Variants in COASY observed in about 807,000 individuals in gnomAD.
COASY encodes bifunctional coenzyme A synthase.
In COASY, 31 loss-of-function variants were observed where a neutral mutation model predicts 49.4. The observed-to-expected ratio is 0.63, with a 90% CI of 0.47 to 0.85. The LOEUF (loss-of-function observed/expected upper bound fraction) is 0.85. Among genes scored for constraint, COASY ranks in the 40% least tolerant of loss-of-function variants. COASY has a pLI of 0.00. For synonymous variants in COASY, 285 were observed against 310.9 expected, an observed-to-expected ratio of 0.92 and a Z score of 0.88; for missense variants, 730 against 734.1, an observed-to-expected ratio of 0.99 and a Z score of 0.06.
rs1234275745 is a variant in COASY at position 42,563,264 on chromosome 17, G to T, written c.642G>T (p.Ala214=). Residue 214 remains alanine (A), a synonymous_variant, in exon 1 of 9, where the codon GCG becomes GCT. Coordinates refer to ENST00000393818, the MANE Select transcript of COASY (RefSeq NM_025233.7). The part of the protein sequence containing the change: ...HNAHKVLLSV[A]CILAQEQLVV... ...CCCACAAGGTGTTGCTCAGTGTCGC[G>T]TGCATCCTGGCCCAGGAGCAGCTTG... 3 of 1,609,986 alleles carry T rather than the reference G, an allele frequency of 1.9e-6. No homozygotes were observed. The highest frequency in any genetic ancestry group is 2.2e-5 in the East Asian group (1 of 44,848).
Position 42,564,790 on chromosome 17 carries a change from C to T in COASY, c.1129C>T (p.Arg377Ter), listed in dbSNP as rs566973741. ...CTCTGGGAAGAGCTCAATAGCTCAG[C>T]GACTGAAGGGCCTGGGGGCGTTTGT... is the stretch of plus-strand genomic sequence containing the variant. ...SGSGKSSIAQ[R>*]LKGLGAFVID... is the part of the protein sequence containing the mutation. The change falls in exon 4 of 9, where the codon CGA (arginine) becomes TGA (stop). Residue 377 changes from arginine to a stop codon, truncating the protein, a stop_gained. Transcript: ENST00000393818. LOFTEE classifies it high-confidence loss of function. 2.4e-5 allele frequency: 37 copies of T among 1,545,776 alleles called. No individual in the cohort carries two copies. The highest frequency in any genetic ancestry group is 3.0e-5 in the Non-Finnish European group (35 of 1,151,052).
At position 42,564,168 on chromosome 17, in the gene COASY, T is replaced by G. The variant is rs749242869; in HGVS notation, c.908T>G (p.Leu303Arg). The change falls in exon 2 of 9, where the codon CTT (leucine) becomes CGT (arginine). Residue 303 changes from leucine to arginine, a missense_variant. Leu to Arg is a moderately radical substitution (Grantham distance 102, BLOSUM62 -2). Coordinates refer to ENST00000393818, the MANE Select transcript of COASY (RefSeq NM_025233.7). Reference protein sequence around the residue: ...RGGMAINRFRLENDLEELALY... With the variant: ...RGGMAINRFRRENDLEELALY... ...GGGATGGCCATCAACCGCTTCCGCC[T>G]TGAGAATGTAACCCCTGAGGGAGAC... The G allele has an allele frequency of 1.2e-6, 2 of 1,613,672 alleles. No individual in the cohort carries two copies. The highest frequency in any genetic ancestry group is 1.7e-6 in the Non-Finnish European group (2 of 1,179,926).
At chr17:42,564,225 G>T (rs759494047) in intron 2 of COASY, 50 bp downstream of exon 2, 2 of 1,569,214 alleles carry the variant, frequency 1.3e-6, no homozygotes, top group Non-Finnish European at 1.7e-6. Flanking sequence ...GACGGGGAAG[G>T]CCATTTTGAG....
Position 42,562,903 on chromosome 17 carries a change from G to T in COASY, c.281G>T (p.Ser94Ile). The T allele has an allele frequency of 6.2e-7, 1 of 1,611,216 alleles. No individual in the cohort carries two copies. The highest frequency in any genetic ancestry group is 8.5e-7 in the Non-Finnish European group (1 of 1,177,682). ...CTACTGACCAATATCCGAACCAAGA[G>T]CACCTTTCTCCCTCCCCTGCCCACC... ...RILLTNIRTKSTFLPPLPTSV... is the reference protein window; with the variant it reads ...RILLTNIRTKITFLPPLPTSV... Residue 94 changes from serine (S) to isoleucine (I), a missense_variant, in exon 1 of 9, where the codon AGC (serine) becomes ATC (isoleucine). Physicochemically the swap from Ser to Ile is moderately radical, Grantham distance 142. Transcript: ENST00000393818.
intron 1 of COASY, chr17:42,563,535 C>A: frequency 1.7e-6 from 1 of 578,630 alleles, no homozygotes; most frequent in Non-Finnish European, 3.0e-6. Context: ...CAGAATACCC[C>A]AAATGTGAAG....
rs2092981161 is a variant in COASY, at chr17:42,562,645, T to G, written c.23T>G (p.Leu8Arg). 6.6e-7 allele frequency: 1 copy of G among 1,521,808 alleles called. No individual in the cohort carries two copies. Among genetic ancestry groups the G allele is most frequent in the African/African-American group, 1.4e-5 (1 of 72,178 alleles). 94.3% of individuals were successfully genotyped at this position (1,521,808 alleles called of 1,614,324 possible). Reference sequence around the variant, plus strand: ...AGCATGGCCGTATTCCGGTCGGGTCTCCTGGTGCTGACGACGCCGCTGGCC... The same window carrying G: ...AGCATGGCCGTATTCCGGTCGGGTCGCCTGGTGCTGACGACGCCGCTGGCC... MAVFRSG[L>R]LVLTTPLASL... The change falls in exon 1 of 9, where the codon CTC becomes CGC. Residue 8 changes from leucine to arginine, a missense_variant. Physicochemically the swap from Leu to Arg is moderately radical, Grantham distance 102. Transcript: ENST00000393818.
At chr17:42,564,370 G>T (rs201346715) in intron 2 of COASY, 76 bp from the exon 3 acceptor site, 45 of 1,593,376 alleles carry the variant, frequency 2.8e-5, no homozygotes, top group Non-Finnish European at 3.5e-5. Flanking sequence ...AGGGGAGGAT[G>T]GGGGGGCAGG....
intron 1 of COASY, chr17:42,563,556 T>C: frequency 1.8e-6 from 1 of 549,880 alleles, no homozygotes; most frequent in South Asian, 2.5e-5. Flanking sequence ...CAAAGGGATC[T>C]GCATTTTAGC....
rs772880365 is a variant in COASY, at chr17:42,562,474, C to G, written c.-149C>G. The G allele has an allele frequency of 1.9e-6, 3 of 1,613,846 alleles. No homozygotes were observed. Among genetic ancestry groups the G allele is most frequent in the Admixed American group, 1.7e-5 (1 of 60,026 alleles). On this transcript the variant is annotated 5_prime_UTR_variant, in exon 1 of 9. Coordinates refer to ENST00000393818, the MANE Select transcript of COASY (RefSeq NM_025233.7). ...CCGTCTACCAGGCCCCGTCCCCTCC[C>G]CCGGCTCCTGTCGGTCAGCACTGAA...
Position 42,565,243 on chromosome 17 carries a change from TCA to T in COASY, c.1321_1322del (p.Thr441GlyfsTer21). On this transcript the variant is annotated frameshift_variant, in exon 6 of 9. Coordinates refer to ENST00000393818, the MANE Select transcript of COASY (RefSeq NM_025233.7). LOFTEE classifies it high-confidence loss of function. ...CCTCCCCAGAAGCAGCTGAAGATACTCACGGACATTATGTGGCCAATTATCGC... is the reference window on the plus strand; with the variant it reads ...CCTCCCCAGAAGCAGCTGAAGATACTCGGACATTATGTGGCCAATTATCGC... The T allele has an allele frequency of 6.2e-7, 1 of 1,614,062 alleles. No individual in the cohort carries two copies. Among genetic ancestry groups the T allele is most frequent in the Non-Finnish European group, 8.5e-7 (1 of 1,180,008 alleles).
In COASY at chr17:42,562,976, C is replaced by T. The variant is rs1164822248; in HGVS notation, c.354C>T (p.Phe118=). The T allele has an allele frequency of 6.2e-7, 1 of 1,614,128 alleles. No individual in the cohort carries two copies. Among genetic ancestry groups the T allele is most frequent in the Non-Finnish European group, 8.5e-7 (1 of 1,179,994 alleles). ...CGCCAGAAGTCGTGTTGACAGATTT[C>T]CAGACCCTGGATGGAAGCCAGTACA... ...AHPPEVVLTD[F]QTLDGSQYNP... The change falls in exon 1 of 9, where the codon TTC becomes TTT. Residue 118 remains phenylalanine, a synonymous_variant. Transcript: ENST00000393818.
At chr17:42,564,674 C>G (rs1405878853) in intron 3 of COASY, 35 bp from the exon 4 acceptor site, 1 of 1,529,136 alleles carries the variant, frequency 6.5e-7, no homozygotes, top group Non-Finnish European at 8.8e-7. Flanking sequence ...GCTGAGGGCC[C>G]CAGTAACTGT....
chr17:42,564,138 G>GT lies in COASY; in HGVS notation c.879dup (p.Gly294TrpfsTer11). 6.2e-7 allele frequency: 1 copy of GT among 1,614,144 alleles called. No individual in the cohort carries two copies. On this transcript the variant is annotated frameshift_variant, in exon 2 of 9. Coordinates refer to ENST00000393818, the MANE Select transcript of COASY (RefSeq NM_025233.7). LOFTEE classifies it high-confidence loss of function. ...CTGGTGGTCAGCGAGGAGACCTATCGTGGGGGGATGGCCATCAACCGCTTC... is the reference window on the plus strand; with the variant it reads ...CTGGTGGTCAGCGAGGAGACCTATCGTTGGGGGGATGGCCATCAACCGCTTC...
rs762997091 is a variant in COASY, at chr17:42,565,732, G to A, written c.1559G>A (p.Ser520Asn). The change falls in exon 8 of 9, where the codon AGC becomes AAC. Residue 520 changes from serine to asparagine, a missense_variant. Ser to Asn is a conservative substitution (Grantham distance 46, BLOSUM62 1). Transcript: ENST00000393818. ...CAAAGCCGGCTGCAGAGCCAGATGA[G>A]CGGGCAGCAGCTTGTGGAACAGAGC... is the stretch of plus-strand genomic sequence containing the variant. ...AAQSRLQSQM[S>N]GQQLVEQSHV... 3 of 1,613,864 alleles carry A rather than the reference G, an allele frequency of 1.9e-6. No individual in the cohort carries two copies. The highest frequency in any genetic ancestry group is 3.3e-5 in the Admixed American group (2 of 60,016).
At position 42,564,494 on chromosome 17, in the gene COASY, A is replaced by C. The variant is rs1450737328; in HGVS notation, c.964A>C (p.Arg322=). 2 of 1,613,604 alleles carry C rather than the reference A, an allele frequency of 1.2e-6. No individual in the cohort carries two copies. Among genetic ancestry groups the C allele is most frequent in the South Asian group, 2.2e-5 (2 of 91,048 alleles). The change falls in exon 3 of 9, where the codon AGA becomes CGA. Residue 322 remains arginine (R), a synonymous_variant. Coordinates refer to ENST00000393818, the MANE Select transcript of COASY (RefSeq NM_025233.7). ...LYQIQLLKDL[R]HTENEEDKVS... ...CCAGATCCAGCTGCTGAAGGACCTCAGACATACAGAGAATGAAGAGGACAA... is the reference window on the plus strand; with the variant it reads ...CCAGATCCAGCTGCTGAAGGACCTCCGACATACAGAGAATGAAGAGGACAA...
rs1486645766 is a variant in COASY at position 42,564,590 on chromosome 17, C to G, written c.1047+13C>G. On this transcript the variant is annotated intron_variant, in intron 3 of 8. Transcript: ENST00000393818. ...TCGGCCTCCATATGTAAGCTCCTCT[C>G]CCTCCTTCCCTCCTGCTTGGTGTCC... 6.2e-7 allele frequency: 1 copy of G among 1,600,146 alleles called. No individual in the cohort carries two copies. Among genetic ancestry groups the G allele is most frequent in the South Asian group, 1.1e-5 (1 of 88,964 alleles).
Position 42,564,773 on chromosome 17 carries a change from A to G in COASY, c.1112A>G (p.Lys371Arg), listed in dbSNP as rs374448845. Residue 371 changes from lysine to arginine, a missense_variant, in exon 4 of 9, where the codon AAG becomes AGG. Coordinates refer to ENST00000393818, the MANE Select transcript of COASY (RefSeq NM_025233.7). The part of the protein sequence containing the change: ...IGLTGISGSG[K>R]SSIAQRLKGL... ...CTGACTGGCATCAGTGGCTCTGGGA[A>G]GAGCTCAATAGCTCAGCGACTGAAG... The G allele has an allele frequency of 2.9e-5, 44 of 1,537,152 alleles. No homozygotes were observed. In the East Asian group the frequency reaches 9.2e-4, roughly 32 times the overall value.
At position 42,565,717 on chromosome 17, in the gene COASY, T is replaced by G. The variant is rs764866507; in HGVS notation, c.1544T>G (p.Leu515Arg). ...AGTGAAGCCGCGGCTCAAAGCCGGC[T>G]GCAGAGCCAGATGAGCGGGCAGCAG... is the stretch of plus-strand genomic sequence containing the variant. ...GLSEAAAQSR[L>R]QSQMSGQQLV... The change falls in exon 8 of 9, where the codon CTG (leucine) becomes CGG (arginine). Residue 515 changes from leucine to arginine, a missense_variant. Physicochemically the swap from Leu to Arg is moderately radical, Grantham distance 102. Transcript: ENST00000393818. 1.8e-5 allele frequency: 29 copies of G among 1,614,034 alleles called. No homozygotes were observed. The African/African-American group carries it at 3.5e-4, about 19-fold the overall frequency.
At position 42,564,898 on chromosome 17, in the gene COASY, G is replaced by C; in HGVS notation, c.1237G>C (p.Asp413His). The change falls in exon 4 of 9, where the codon GAT becomes CAT. Residue 413 changes from aspartate (D) to histidine (H), a missense_variant and splice_region_variant. Asp to His is a moderately conservative substitution (Grantham distance 81). Transcript: ENST00000393818. ...YQPVVEAFGT[D>H]ILHKDGIINR... ...GCCTGTGGTGGAGGCCTTTGGAACA[G>C]GTAATAACTGGGGAAGGCTGAAAGT... The C allele has an allele frequency of 6.2e-7, 1 of 1,613,040 alleles. No homozygotes were observed. Among genetic ancestry groups the C allele is most frequent in the Non-Finnish European group, 8.5e-7 (1 of 1,179,258 alleles).
Sources: gnomAD v4.1 joint callset for allele counts on GRCh38, gnomAD v4.1.1 for gene constraint, MANE v1.5 for transcripts, NCBI Gene and HGNC (gene_info 2026-07-23, HGNC 2026-07-21) for gene names.